CERK: variants seen among roughly 807,000 people sequenced by gnomAD.
CERK encodes the protein acylsphingosine kinase.
A neutral mutation model predicts 63.4 loss-of-function variants in CERK; 39 were observed. That is an observed-to-expected ratio of 0.61 (90% CI 0.48 to 0.80). CERK has a LOEUF of 0.80. Among genes scored for constraint, CERK ranks in the 30% least tolerant of loss-of-function variants. The pLI, the probability that CERK is intolerant of heterozygous loss-of-function variation, is 0.00. For missense variants in CERK, 670 were observed against 714.1 expected, an observed-to-expected ratio of 0.94 and a Z score of 0.70; for synonymous variants, 302 against 280.0, an observed-to-expected ratio of 1.08 and a Z score of -0.78.
chr22:46,732,484 GA>G (rs1385995175), intron 1 of CERK, among the ~76,000 whole-genome samples: 6 of 152,240 alleles, frequency 3.9e-5, no homozygotes, highest in African/African-American at 1.4e-4. Flanking sequence ...TAAACACACA[GA>G]AAGTGTATCT....
At chr22:46,702,309 T>C (rs2082790716) in intron 6 of CERK, among the ~76,000 whole-genome samples, 1 of 150,898 alleles carries the variant, frequency 6.6e-6, no homozygotes. Context: ...TTTTTTTTTT[T>C]TCCGAGACGG....
chr22:46,729,171 T>C (rs74848239), intron 1 of CERK, among the ~76,000 whole-genome samples: 2,237 of 152,204 alleles, frequency 0.015, 62 homozygotes, highest in African/African-American at 0.05. Flanking sequence ...GAGACCAACC[T>C]GGACAACATA....
chr22:46,701,835 A>G lies in CERK; in HGVS notation c.716-125T>C. The G allele has an allele frequency of 3.1e-6, 2 of 638,600 alleles. 1 individual carries two copies. Among genetic ancestry groups the G allele is most frequent in the South Asian group, 4.2e-5 (2 of 48,148 alleles). 39.6% of individuals were successfully genotyped at this position (638,600 alleles called of 1,614,324 possible). On this transcript the variant is annotated intron_variant, in intron 6 of 12. Transcript: ENST00000216264. Reference sequence around the variant, plus strand: ...CCCTAGAGTCAACACTAAGGAATAAATAGAATTTACCTACAAAATGAATAT... The same window carrying G: ...CCCTAGAGTCAACACTAAGGAATAAGTAGAATTTACCTACAAAATGAATAT...
chr22:46,710,044 T>G (rs1332582587), intron 5 of CERK, among the ~76,000 whole-genome samples: 2 of 152,220 alleles, frequency 1.3e-5, no homozygotes, highest in East Asian at 3.8e-4. Context: ...CTTAAAATAT[T>G]AGAGACTTTC....
chr22:46,697,785 G>A (rs191673543), intron 8 of CERK, among the ~76,000 whole-genome samples: 8 of 152,336 alleles, frequency 5.3e-5, no homozygotes, highest in African/African-American at 7.2e-5. Context: ...GATTACAGGC[G>A]TGAGCCACTG....
intron 10 of CERK, among the ~76,000 whole-genome samples, chr22:46,692,904 C>CAAA (rs34255348): frequency 3.3e-4 from 31 of 92,838 alleles, no homozygotes; most frequent in Middle Eastern, 6.6e-3. Context: ...AAACTCCATC[C>CAAA]AAAAAAAAAA....
At chr22:46,719,303 G>A (rs948796368) in intron 3 of CERK, among the ~76,000 whole-genome samples, 5 of 152,058 alleles carry the variant, frequency 3.3e-5, no homozygotes, top group African/African-American at 1.2e-4. Context: ...CACTTTTTAA[G>A]GGTGACAAAG....
At position 46,701,580 on chromosome 22, in the gene CERK, C is replaced by T. The variant is rs988722376; in HGVS notation, c.790+56G>A. On this transcript the variant is annotated intron_variant, in intron 7 of 12. Coordinates refer to ENST00000216264, the MANE Select transcript of CERK (RefSeq NM_022766.6). Reference sequence around the variant, plus strand: ...CGACGGGGACCAGAGTGGGACAGGCCTGGGGGCGCAGGAGGCCCGGCTGCC... The same window carrying T: ...CGACGGGGACCAGAGTGGGACAGGCTTGGGGGCGCAGGAGGCCCGGCTGCC... 6 of 1,458,478 alleles carry T rather than the reference C, an allele frequency of 4.1e-6. 1 individual carries two copies. The South Asian group carries it at 4.9e-5, about 12-fold the overall frequency. The allele number at this position is 1,458,478 out of a possible 1,614,324, so 90.3% of individuals were successfully genotyped here. A position where few individuals can be genotyped will look rare whatever the true frequency, so the allele number is the denominator to read the frequency against.
intron 9 of CERK, among the ~76,000 whole-genome samples, chr22:46,694,525 C>T (rs1413334856): frequency 2.6e-5 from 4 of 152,202 alleles, no homozygotes; most frequent in East Asian, 1.9e-4. Flanking sequence ...CTCCCCTCCC[C>T]GGTGGGGCGC....
intron 4 of CERK, 44 bp downstream of exon 4, chr22:46,712,121 AATC>A: frequency 6.2e-7 from 1 of 1,607,850 alleles, no homozygotes; most frequent in Non-Finnish European, 8.5e-7. Context: ...ACTATACTTG[AATC>A]ATTCTCAAAC....
intron 11 of CERK, 91 bp from the exon 12 acceptor site, chr22:46,690,291 G>A: frequency 1.0e-6 from 1 of 967,374 alleles, no homozygotes; most frequent in Admixed American, 2.6e-5. Flanking sequence ...AGCGAGCGCT[G>A]TCAGGCCTGG....
chr22:46,717,456 C>T (rs1321025264), intron 3 of CERK, among the ~76,000 whole-genome samples: 1 of 152,260 alleles, frequency 6.6e-6, no homozygotes, highest in Admixed American at 6.5e-5. Flanking sequence ...AGAGAATGGA[C>T]AAACGGCAGC....
chr22:46,726,962 A>C (rs2082921641), intron 1 of CERK, among the ~76,000 whole-genome samples: 1 of 152,336 alleles, frequency 6.6e-6, no homozygotes, highest in Admixed American at 6.5e-5. Context: ...GATGCGCCCA[A>C]GTTTCGTCTT....
intron 7 of CERK, 50 bp from the exon 8 acceptor site, chr22:46,699,515 C>T (rs753680070): frequency 3.2e-6 from 5 of 1,578,752 alleles, no homozygotes; most frequent in Non-Finnish European, 4.3e-6. Flanking sequence ...CCAGCCCCGC[C>T]CCATCCACTC....
intron 3 of CERK, among the ~76,000 whole-genome samples, chr22:46,718,519 G>A (rs576963437): frequency 1.2e-4 from 18 of 152,290 alleles, no homozygotes; most frequent in African/African-American, 3.8e-4. Context: ...AGCTTTTCAC[G>A]ACAGCAGGTG....
At chr22:46,704,193 G>T (rs901640172) in intron 6 of CERK, among the ~76,000 whole-genome samples, 14 of 152,186 alleles carry the variant, frequency 9.2e-5, no homozygotes, top group African/African-American at 3.4e-4. Flanking sequence ...CACGGGGCAG[G>T]GCACACAGTG....
chr22:46,694,897 G>T (rs974702941), intron 9 of CERK, among the ~76,000 whole-genome samples: 7 of 152,184 alleles, frequency 4.6e-5, no homozygotes, highest in Non-Finnish European at 8.8e-5. Context: ...GCCCCTGCAG[G>T]GGGTAAAGGG....
At chr22:46,722,944 G>A (rs978676367) in intron 1 of CERK, among the ~76,000 whole-genome samples, 1 of 152,230 alleles carries the variant, frequency 6.6e-6, no homozygotes. Flanking sequence ...AGGGGCAGGA[G>A]CTGGGGAGAG....
At chr22:46,713,226 C>G (rs977970534) in intron 3 of CERK, among the ~76,000 whole-genome samples, 5 of 152,054 alleles carry the variant, frequency 3.3e-5, no homozygotes, top group African/African-American at 1.2e-4. Context: ...GACACAGGGC[C>G]AGGCGCGGTG....
Sources: gnomAD v4.1 joint callset for allele counts (sites outside exome capture counted in the v4.1 genomes callset) on GRCh38, gnomAD v4.1.1 for gene constraint, MANE v1.5 for transcripts, NCBI Gene and HGNC (gene_info 2026-07-23, HGNC 2026-07-21) for gene names.